Variants in SYNE1 observed in about 807,000 individuals in gnomAD.
The protein encoded by SYNE1 is spectrin repeat containing nuclear envelope protein 1.
A neutral mutation model predicts 1,111.0 loss-of-function variants in SYNE1; 616 were observed. The ratio of observed to expected loss-of-function variants is 0.55; its 90% CI spans 0.52 to 0.59. The LOEUF (loss-of-function observed/expected upper bound fraction) is 0.59. Among genes scored for constraint, SYNE1 ranks in the 20% least tolerant of loss-of-function variants. The probability of loss-of-function intolerance (pLI) is 0.00; values close to 1 mark genes in which losing one functional copy is unlikely to be tolerated. For missense variants in SYNE1, 10,006 were observed against 10,417.0 expected, an observed-to-expected ratio of 0.96 and a Z score of 1.72; for synonymous variants, 3,855 against 3,825.8, an observed-to-expected ratio of 1.01 and a Z score of -0.28.
chr6:152,263,560 T>A (rs2094892153), intron 100 of SYNE1, among the ~76,000 whole-genome samples: 1 of 147,368 alleles, frequency 6.8e-6, no homozygotes, highest in South Asian at 2.1e-4. Flanking sequence ...CTTGGCTAAT[T>A]TTTTTTTTTT....
chr6:152,394,134 T>C (rs2097693452), intron 51 of SYNE1, among the ~76,000 whole-genome samples: 1 of 152,218 alleles, frequency 6.6e-6, no homozygotes, highest in Non-Finnish European at 1.5e-5. Context: ...GCTTCATCTA[T>C]GTCCCTGCAA....
chr6:152,599,365 CT>C (rs2099590703), intron 3 of SYNE1, among the ~76,000 whole-genome samples: 1 of 152,202 alleles, frequency 6.6e-6, no homozygotes, highest in Non-Finnish European at 1.5e-5. Flanking sequence ...ACCCACAGGG[CT>C]TTCCAGAATT....
chr6:152,412,004 T>C (rs1247349268), intron 42 of SYNE1, among the ~76,000 whole-genome samples: 1 of 152,216 alleles, frequency 6.6e-6, no homozygotes, highest in Non-Finnish European at 1.5e-5. Context: ...TGCAAAAACT[T>C]GAATGTGAAT....
intron 12 of SYNE1, among the ~76,000 whole-genome samples, chr6:152,487,573 G>T (rs1034519746): frequency 6.6e-6 from 1 of 152,184 alleles, no homozygotes; most frequent in South Asian, 2.1e-4. Flanking sequence ...TGACACTGTA[G>T]TCAGACTGGA....
chr6:152,566,985 C>CTGTGTG (rs59526151), intron 3 of SYNE1, among the ~76,000 whole-genome samples: 30 of 146,650 alleles, frequency 2.0e-4, no homozygotes, highest in East Asian at 6.1e-4. Context: ...TCTTCACATA[C>CTGTGTG]TGTGTGTGTG....
At chr6:152,551,733 C>T (rs964390073) in intron 3 of SYNE1, among the ~76,000 whole-genome samples, 1 of 152,168 alleles carries the variant, frequency 6.6e-6, no homozygotes, top group Non-Finnish European at 1.5e-5. Context: ...GAAAATGCTG[C>T]CTTCACATCT....
chr6:152,141,136 C>G, intron 139 of SYNE1, 67 bp downstream of exon 139: 4 of 1,610,214 alleles, frequency 2.5e-6, no homozygotes, highest in Non-Finnish European at 3.4e-6. Context: ...AGTGGAATTT[C>G]GCTGTTAACA....
intron 124 of SYNE1, among the ~76,000 whole-genome samples, chr6:152,210,203 C>T (rs1418803743): frequency 6.6e-6 from 1 of 152,096 alleles, no homozygotes; most frequent in Non-Finnish European, 1.5e-5. Context: ...CTTCAACTTT[C>T]AAAATTCTTT....
At position 152,331,318 on chromosome 6, in the gene SYNE1, GT is replaced by G; in HGVS notation, c.13366del (p.Thr4456ProfsTer21). ...CTGGAACACTGCCATGAGAAACTGG[GT>G]TTTCTCGGACAAGGCTTTGTTTAAG... ...KYLNKALSEK[T>X]QFLMAVFQAT... On this transcript the variant is annotated frameshift_variant, in exon 78 of 146. Coordinates refer to ENST00000367255, the MANE Select transcript of SYNE1 (RefSeq NM_182961.4). LOFTEE classifies it high-confidence loss of function. The G allele has an allele frequency of 6.2e-7, 1 of 1,614,168 alleles. No individual in the cohort carries two copies. Among genetic ancestry groups the G allele is most frequent in the South Asian group, 1.1e-5 (1 of 91,080 alleles).
At chr6:152,156,719 T>C (rs551713354) in intron 131 of SYNE1, among the ~76,000 whole-genome samples, 43 of 152,338 alleles carry the variant, frequency 2.8e-4, no homozygotes, top group African/African-American at 9.4e-4. Flanking sequence ...CCAAATACTT[T>C]TGATCTACGG....
intron 95 of SYNE1, among the ~76,000 whole-genome samples, chr6:152,286,494 G>A (rs1017089603): frequency 5.3e-5 from 8 of 152,084 alleles, no homozygotes; most frequent in Admixed American, 1.3e-4. Context: ...TTCCACTGTC[G>A]CCTGGTTGTG....
intron 98 of SYNE1, among the ~76,000 whole-genome samples, chr6:152,272,562 T>G (rs2093292621): frequency 6.6e-6 from 1 of 152,226 alleles, no homozygotes; most frequent in African/African-American, 2.4e-5. Context: ...CCCAGCTTCA[T>G]GAAGATACCA....
rs1420142622 is a variant in SYNE1, at chr6:152,407,112, T to A, written c.6625A>T (p.Ile2209Phe). The A allele has an allele frequency of 1.2e-6, 2 of 1,613,858 alleles. No homozygotes were observed. The highest frequency in any genetic ancestry group is 2.7e-5 in the African/African-American group (2 of 74,888). ...ACGCAGTTGTTTGACCATCCCTCAATCTCATCTCTAGTTGACAGTACATCA... is the reference window on the plus strand; with the variant it reads ...ACGCAGTTGTTTGACCATCCCTCAAACTCATCTCTAGTTGACAGTACATCA... ...WDDVLSTRDE[I>F]EGWSNNCVPQ... is the part of the protein sequence containing the mutation. Residue 2209 changes from isoleucine to phenylalanine, a missense_variant, in exon 45 of 146, where the codon ATT becomes TTT. Physicochemically the swap from Ile to Phe is conservative, Grantham distance 21 (BLOSUM62 0). Around this residue, in one of 7 missense-constraint regions of SYNE1, gnomAD observed 4,955 missense variants for 5,017.2 expected, o/e 0.99. Transcript: ENST00000367255.
intron 96 of SYNE1, 152 bp from the exon 97 acceptor site, chr6:152,282,132 C>T (rs2094067659): frequency 1.4e-6 from 1 of 740,570 alleles, no homozygotes; most frequent in East Asian, 2.7e-5. Context: ...CATCCCAGAA[C>T]AACAATCAGA....
intron 63 of SYNE1, chr6:152,363,760 C>T (rs1300569152): frequency 2.2e-6 from 1 of 455,380 alleles, no homozygotes; most frequent in Admixed American, 2.3e-5. Context: ...AATATAGGCA[C>T]AGGGGAGCCT....
chr6:152,281,806 C>T lies in SYNE1; in HGVS notation c.18381+1G>A. ...ATATTCCTTTGAGACCATTTTGGTA[C>T]CTGGCAGTCCATAAGCTGGGCCTCC... On this transcript the variant is annotated splice_donor_variant, in intron 97 of 145. Transcript: ENST00000367255. LOFTEE classifies it high-confidence loss of function. 3.1e-6 allele frequency: 5 copies of T among 1,614,100 alleles called. No homozygotes were observed.
rs750922422 is a variant in SYNE1, at chr6:152,224,645, A to G, written c.21371T>C (p.Leu7124Pro). 1 of 1,613,962 alleles carries G rather than the reference A, an allele frequency of 6.2e-7. No individual in the cohort carries two copies. The highest frequency in any genetic ancestry group is 8.5e-7 in the Non-Finnish European group (1 of 1,179,958). The change falls in exon 117 of 146, where the codon CTG (leucine) becomes CCG (proline). Residue 7124 changes from leucine to proline, a missense_variant. By Grantham distance (98) the Leu-to-Pro change is moderately conservative. Around this residue, in one of 7 missense-constraint regions of SYNE1, gnomAD observed 2,182 missense variants for 2,287.8 expected, o/e 0.95. Transcript: ENST00000367255. ...CCATTGGTCAAGCACTGATTTCAGC[A>G]GTATCTTTAATTGTCCAACCTTTTG... ...LDHMVGQLKILLKSVLDQWSS... is the reference protein window; with the variant it reads ...LDHMVGQLKIPLKSVLDQWSS...
At chr6:152,578,677 C>T (rs537471418) in intron 3 of SYNE1, among the ~76,000 whole-genome samples, 1 of 152,214 alleles carries the variant, frequency 6.6e-6, no homozygotes, top group African/African-American at 2.4e-5. Flanking sequence ...TTCAAGATTC[C>T]CTTTGAAATT....
At position 152,556,282 on chromosome 6, in the gene SYNE1, T is replaced by C. The variant is rs554050555; in HGVS notation, c.68-16261A>G. 2.0e-5 allele frequency among the ~76,000 whole-genome samples: 3 copies of C among 152,232 alleles called. No homozygotes were observed. The South Asian group carries it at 6.2e-4, about 32-fold the overall frequency. ...AGAACAGTTTTATATTACCCACCCA[T>C]ATCACCCCCTTCCCAAGCCTGTACT... is the stretch of plus-strand genomic sequence containing the variant. On this transcript the variant is annotated intron_variant, in intron 3 of 145. Coordinates refer to ENST00000367255, the MANE Select transcript of SYNE1 (RefSeq NM_182961.4).
Sources: gnomAD v4.1 joint callset for allele counts (sites outside exome capture counted in the v4.1 genomes callset) on GRCh38, gnomAD v4.1.1 for gene constraint, gnomAD v4.1.1 regional missense constraint, MANE v1.5 for transcripts, NCBI Gene and HGNC (gene_info 2026-07-23, HGNC 2026-07-21) for gene names.